Variants in COL14A1 observed in about 807,000 individuals in gnomAD.
The protein encoded by COL14A1 is collagen alpha-1(XIV) chain.
COL14A1 carries 136 observed loss-of-function variants against 230.3 expected under a neutral mutation model. The ratio of observed to expected loss-of-function variants is 0.59; its 90% CI spans 0.51 to 0.68. The LOEUF is 0.68. Ranked by LOEUF, COL14A1 falls within the 30% of genes least tolerant of loss-of-function variation. COL14A1 has a pLI of 0.00. For synonymous variants in COL14A1, 792 were observed against 784.1 expected (o/e 1.01, Z -0.17); for missense variants, 1,976 against 2,215.8 (o/e 0.89, Z 2.17).
At chr8:120,186,995 G>A (rs1162257284) in intron 5 of COL14A1, among the ~76,000 whole-genome samples, 1 of 152,190 alleles carries the variant, frequency 6.6e-6, no homozygotes, top group South Asian at 2.1e-4. Context: ...CAGGTAATGA[G>A]TTCCATCTAA....
intron 33 of COL14A1, among the ~76,000 whole-genome samples, chr8:120,286,239 G>T (rs1218008459): frequency 6.6e-6 from 1 of 152,050 alleles, no homozygotes; most frequent in Non-Finnish European, 1.5e-5. Flanking sequence ...TAAGGATATG[G>T]CATTACCAAG....
intron 1 of COL14A1, among the ~76,000 whole-genome samples, chr8:120,137,066 G>C (rs1814738741): frequency 6.8e-6 from 1 of 147,466 alleles, no homozygotes; most frequent in South Asian, 2.3e-4. Flanking sequence ...ATATTTCATA[G>C]AATTTGCTAG....
At chr8:120,339,225 G>A (rs1366138649) in intron 42 of COL14A1, among the ~76,000 whole-genome samples, 1 of 152,166 alleles carries the variant, frequency 6.6e-6, no homozygotes, top group Non-Finnish European at 1.5e-5. Context: ...TGCCCGACTT[G>A]TGATCAAGGC....
rs148770440 is a variant in COL14A1 at position 120,287,300 on chromosome 8, A to T, written c.4077+1330A>T. Among the ~76,000 whole-genome samples, 582 of 152,250 alleles carry T rather than the reference A, an allele frequency of 3.8e-3. 4 individuals carry two copies. Among genetic ancestry groups the T allele is most frequent in the Middle Eastern group, 0.01 (3 of 294 alleles). On this transcript the variant is annotated intron_variant, in intron 33 of 47. Transcript: ENST00000297848. ...AAGGTATCTGAAAAGCACATGAGAT[A>T]CAGTGGAGATTTATTAGTTCATGGC...
chr8:120,249,934 C>G (rs1287863567), intron 21 of COL14A1, among the ~76,000 whole-genome samples: 1 of 152,134 alleles, frequency 6.6e-6, no homozygotes, highest in African/African-American at 2.4e-5. Context: ...TTGTCACTAA[C>G]TCAAAGCTCT....
rs892828153 is a variant in COL14A1 at position 120,158,392 on chromosome 8, A to G, written c.205+146A>G. ...TCAGTGTTTAAAATCTTACCCTCTAATCAAGGTAATAATGTTCCCCAAAGA... is the reference window on the plus strand; with the variant it reads ...TCAGTGTTTAAAATCTTACCCTCTAGTCAAGGTAATAATGTTCCCCAAAGA... On this transcript the variant is annotated intron_variant, in intron 3 of 47. Transcript: ENST00000297848. 6 of 621,024 alleles carry G rather than the reference A, an allele frequency of 9.7e-6. No homozygotes were observed. In the Admixed American group the frequency reaches 1.3e-4, roughly 13 times the overall value. 38.5% of individuals were successfully genotyped at this position (621,024 alleles called of 1,614,324 possible). A position where few individuals can be genotyped will look rare whatever the true frequency, so the allele number is the denominator to read the frequency against.
chr8:120,368,529 G>T (rs1256722790), intron 46 of COL14A1, among the ~76,000 whole-genome samples: 1 of 148,520 alleles, frequency 6.7e-6, no homozygotes, highest in African/African-American at 2.5e-5. Context: ...TTCAGTTCTA[G>T]TTGAGAAATT....
intron 34 of COL14A1, among the ~76,000 whole-genome samples, chr8:120,294,800 G>A (rs1341913159): frequency 6.6e-6 from 1 of 151,754 alleles, no homozygotes; most frequent in African/African-American, 2.4e-5. Context: ...TGTACTCAAA[G>A]AAAAAGCTGC....
chr8:120,337,450 G>A (rs370980674), intron 42 of COL14A1, among the ~76,000 whole-genome samples: 13 of 150,960 alleles, frequency 8.6e-5, no homozygotes, highest in Non-Finnish European at 1.9e-4. Context: ...AAGAAGGTAC[G>A]TTTATATTCT....
At chr8:120,286,976 G>A (rs16893822) in intron 33 of COL14A1, among the ~76,000 whole-genome samples, 2,362 of 152,274 alleles carry the variant, frequency 0.016, 58 homozygotes, top group African/African-American at 0.053. Context: ...AAGCAGTGCA[G>A]CACCTACGCT....
intron 8 of COL14A1, among the ~76,000 whole-genome samples, chr8:120,202,315 G>A (rs1446308708): frequency 2.0e-5 from 3 of 152,170 alleles, no homozygotes; most frequent in Admixed American, 1.3e-4. Context: ...ACCTCCTAAA[G>A]CAAATAGTTC....
intron 36 of COL14A1, among the ~76,000 whole-genome samples, chr8:120,304,656 C>T (rs921393392): frequency 1.3e-5 from 2 of 152,026 alleles, no homozygotes; most frequent in Non-Finnish European, 2.9e-5. Flanking sequence ...TCAATATTGT[C>T]TTTTGGACTC....
intron 9 of COL14A1, among the ~76,000 whole-genome samples, chr8:120,206,363 T>G (rs1437119667): frequency 1.3e-5 from 2 of 151,084 alleles, no homozygotes; most frequent in Admixed American, 6.6e-5. Context: ...GTTTGTTTGT[T>G]TTTTGGAGGC....
rs941921032 is a variant in COL14A1 at position 120,228,614 on chromosome 8, G to A, written c.2138-96G>A. ...CATGTTTGTTGTGGGAGGCAAGTGA[G>A]ATAATATAGGTGAAATGTTCTTTGA... On this transcript the variant is annotated intron_variant, in intron 17 of 47. Coordinates refer to ENST00000297848, the MANE Select transcript of COL14A1 (RefSeq NM_021110.4). 1.1e-5 allele frequency: 10 copies of A among 907,484 alleles called. No homozygotes were observed. In the African/African-American group the frequency reaches 1.1e-4, roughly 10 times the overall value. 56.2% of individuals were successfully genotyped at this position (907,484 alleles called of 1,614,324 possible). A position where few individuals can be genotyped will look rare whatever the true frequency, so the allele number is the denominator to read the frequency against.
rs1812158357 is a variant in COL14A1, at chr8:120,371,511, G to A, written c.*280G>A. On this transcript the variant is annotated 3_prime_UTR_variant, in exon 48 of 48. Coordinates refer to ENST00000297848, the MANE Select transcript of COL14A1 (RefSeq NM_021110.4). Reference sequence around the variant, plus strand: ...TTTTCCAGAGAAGAGAGCTCAAAGAGGAATTGGGAAAAATAAATTGAACTC... The same window carrying A: ...TTTTCCAGAGAAGAGAGCTCAAAGAAGAATTGGGAAAAATAAATTGAACTC... 2 of 397,100 alleles carry A rather than the reference G, an allele frequency of 5.0e-6. No homozygotes were observed. Among genetic ancestry groups the A allele is most frequent in the South Asian group, 1.3e-4 (1 of 7,500 alleles). 24.6% of individuals were successfully genotyped at this position (397,100 alleles called of 1,614,324 possible). A position where few individuals can be genotyped will look rare whatever the true frequency, so the allele number is the denominator to read the frequency against.
At chr8:120,227,687 A>G (rs958942947) in intron 17 of COL14A1, among the ~76,000 whole-genome samples, 4 of 152,212 alleles carry the variant, frequency 2.6e-5, no homozygotes, top group Non-Finnish European at 5.9e-5. Flanking sequence ...GCAAGAATGG[A>G]TAAAATAATT....
At position 120,226,751 on chromosome 8, in the gene COL14A1, G is replaced by C; in HGVS notation, c.1989G>C (p.Gly663=). The C allele has an allele frequency of 1.9e-6, 3 of 1,613,426 alleles. No individual in the cohort carries two copies. The highest frequency in any genetic ancestry group is 1.1e-5 in the South Asian group (1 of 90,950). Reference sequence around the variant, plus strand: ...AATTGATGTGGATTCCAGTCTATGGGGGGAAGACTGAGGAGGTGAGTTTTC... The same window carrying C: ...AATTGATGTGGATTCCAGTCTATGGCGGGAAGACTGAGGAGGTGAGTTTTC... The part of the protein sequence containing the change: ...LHKLMWIPVY[G]GKTEEVVLKE... The change falls in exon 16 of 48, where the codon GGG becomes GGC. Residue 663 remains glycine, a synonymous_variant. Coordinates refer to ENST00000297848, the MANE Select transcript of COL14A1 (RefSeq NM_021110.4).
chr8:120,292,203 T>C (rs1380826137), intron 34 of COL14A1, among the ~76,000 whole-genome samples: 4 of 152,154 alleles, frequency 2.6e-5, no homozygotes, highest in African/African-American at 9.7e-5. Context: ...ACCAACTAAA[T>C]ATCAACTAAT....
At chr8:120,367,874 G>A in intron 46 of COL14A1, among the ~76,000 whole-genome samples, 1 of 151,672 alleles carries the variant, frequency 6.6e-6, no homozygotes, top group Non-Finnish European at 1.5e-5. Flanking sequence ...AGCTCTGGAG[G>A]TTGAGGCTAC....
Sources: gnomAD v4.1 joint callset for allele counts (sites outside exome capture counted in the v4.1 genomes callset) on GRCh38, gnomAD v4.1.1 for gene constraint, MANE v1.5 for transcripts, NCBI Gene and HGNC (gene_info 2026-07-23, HGNC 2026-07-21) for gene names.